Variants in HTR3E observed in about 807,000 individuals in gnomAD.
The protein encoded by HTR3E is 5-hydroxytryptamine receptor 3E.
In HTR3E, 38 loss-of-function variants were observed where a neutral mutation model predicts 38.0. The observed-to-expected ratio is 1.00, with a 90% CI of 0.77 to 1.31. HTR3E has a LOEUF of 1.31. Among genes scored for constraint, HTR3E ranks in the 50% most tolerant of loss-of-function variants. The probability of loss-of-function intolerance (pLI) is 0.00; values close to 1 mark genes in which losing one functional copy is unlikely to be tolerated. For missense variants in HTR3E, 547 were observed against 585.2 expected, an observed-to-expected ratio of 0.93 and a Z score of 0.67; for synonymous variants, 210 against 232.9, an observed-to-expected ratio of 0.90 and a Z score of 0.89.
At chr3:184,099,037 C>T (rs1350601665) in intron 1 of HTR3E, among the ~76,000 whole-genome samples, 1 of 148,782 alleles carries the variant, frequency 6.7e-6, no homozygotes, top group African/African-American at 2.5e-5. Context: ...AGTGAGACTC[C>T]CTCTAAAAAA....
intron 3 of HTR3E, among the ~76,000 whole-genome samples, chr3:184,102,629 T>TAAA (rs992607621): frequency 8.3e-6 from 1 of 121,086 alleles, no homozygotes. Context: ...TTAAAGTATA[T>TAAA]AAAAAAAAAA....
chr3:184,100,824 A>G (rs112429838), intron 2 of HTR3E, among the ~76,000 whole-genome samples, 173 bp downstream of exon 2: 1,677 of 152,324 alleles, frequency 0.011, 30 homozygotes, highest in African/African-American at 0.037. Flanking sequence ...AGGGTGAGGT[A>G]TAACAGCACA....
chr3:184,097,294 C>A lies in HTR3E; in HGVS notation c.-236C>A, dbSNP rs572967153. 25 of 486,564 alleles carry A rather than the reference C, an allele frequency of 5.1e-5. No homozygotes were observed. The South Asian group carries it at 6.3e-4, about 12-fold the overall frequency. The allele number at this position is 486,564 out of a possible 1,614,324, so 30.1% of individuals were successfully genotyped here. Reference sequence around the variant, plus strand: ...TTGATCACGTATGAACTATCTATAACCATTTACGTTGCAGTGAAATACCTA... The same window carrying A: ...TTGATCACGTATGAACTATCTATAAACATTTACGTTGCAGTGAAATACCTA... On this transcript the variant is annotated 5_prime_UTR_variant, in exon 1 of 9. Transcript: ENST00000415389.
rs376996862 is a variant in HTR3E, at chr3:184,106,501, G to C, written c.1179G>C (p.Pro393=). The C allele has an allele frequency of 2.5e-6, 4 of 1,609,098 alleles. No homozygotes were observed. The highest frequency in any genetic ancestry group is 3.4e-5 in the Admixed American group (2 of 59,690). Residue 393 remains proline, a synonymous_variant, in exon 9 of 9, where the codon CCG becomes CCC. Transcript: ENST00000415389. This position sits in a 1 kb window ranked among gnomAD's most constrained non-coding sequence, Gnocchi z 4.1. ...KEPEVSAGQM[P]GPAEAELTGG... The stretch of plus-strand genomic sequence containing the variant: ...CAGAGGTATCAGCAGGGCAGATGCC[G>C]GGCCCTGCGGAGGCAGAGCTGACAG...
rs542957561 is a variant in HTR3E at position 184,100,257 on chromosome 3, G to A, written c.68-228G>A. ...CCTCTTATTGCACCTTAGTTAGCTC[G>A]TTTATTACATGAGGGTAAAGCAGTA... On this transcript the variant is annotated intron_variant, in intron 1 of 8. Coordinates refer to ENST00000415389, the MANE Select transcript of HTR3E (RefSeq NM_001256613.2). 5.9e-6 allele frequency: 8 copies of A among 1,355,162 alleles called. No homozygotes were observed. In the African/African-American group the frequency reaches 7.3e-5, roughly 12 times the overall value. 83.9% of individuals were successfully genotyped at this position (1,355,162 alleles called of 1,614,324 possible).
At chr3:184,099,748 AT>A (rs1711899529) in intron 1 of HTR3E, among the ~76,000 whole-genome samples, 2 of 151,080 alleles carry the variant, frequency 1.3e-5, no homozygotes, top group African/African-American at 4.9e-5. Flanking sequence ...AAAGAAAGAA[AT>A]ATGCACAATT....
intron 1 of HTR3E, among the ~76,000 whole-genome samples, chr3:184,099,406 C>T (rs1205223607): frequency 1.3e-5 from 2 of 151,872 alleles, no homozygotes; most frequent in Admixed American, 6.6e-5. Context: ...CCCCCAAAAA[C>T]CCCAAACTAA....
chr3:184,103,724 G>C (rs1290286697), intron 3 of HTR3E, among the ~76,000 whole-genome samples: 6 of 151,166 alleles, frequency 4.0e-5, no homozygotes, highest in Non-Finnish European at 7.4e-5. Flanking sequence ...TTGAACCCGA[G>C]AGGTGGAGGT....
chr3:184,105,577 G>T, intron 6 of HTR3E, 150 bp downstream of exon 6: 1 of 1,056,530 alleles, frequency 9.5e-7, no homozygotes, highest in Non-Finnish European at 1.4e-6. Flanking sequence ...CTAAAGCTCA[G>T]GGCTCTGGCC....
intron 3 of HTR3E, among the ~76,000 whole-genome samples, 179 bp from the exon 4 acceptor site, chr3:184,104,003 G>GA (rs926947619): frequency 7.3e-5 from 11 of 151,102 alleles, no homozygotes; most frequent in South Asian, 6.2e-4. Context: ...CTCATTTCTT[G>GA]AAAAAAAAGC....
intron 1 of HTR3E, among the ~76,000 whole-genome samples, chr3:184,099,739 A>AAAAAAC (rs767836103): frequency 0.12 from 13,030 of 112,274 alleles, 2,001 homozygotes; most frequent in Non-Finnish European, 0.16. Context: ...AAAAAAAAAA[A>AAAAAAC]AGAAAGAAAT....
intron 3 of HTR3E, 87 bp from the exon 4 acceptor site, chr3:184,104,095 C>T: frequency 2.4e-6 from 2 of 826,690 alleles, no homozygotes; most frequent in East Asian, 3.1e-5. Context: ...ATATATTTTT[C>T]TATATGCTTG....
Position 184,106,402 on chromosome 3 carries a change from C to T in HTR3E, c.1141+59C>T. ...CACTTCTCTGCTCCTGCCTCCTTCC[C>T]TGTCTCCCTCCCTCCACAGGTGACA... is the stretch of plus-strand genomic sequence containing the variant. On this transcript the variant is annotated intron_variant, in intron 8 of 8. Transcript: ENST00000415389. The surrounding 1 kb of genome is among the most constrained non-coding windows in gnomAD (Gnocchi z 4.1). 7 of 1,561,300 alleles carry T rather than the reference C, an allele frequency of 4.5e-6. No homozygotes were observed. Among genetic ancestry groups the T allele is most frequent in the Non-Finnish European group, 6.1e-6 (7 of 1,152,664 alleles).
chr3:184,105,574 T>G, intron 6 of HTR3E, 147 bp downstream of exon 6: 1 of 1,071,494 alleles, frequency 9.3e-7, no homozygotes, highest in Non-Finnish European at 1.3e-6. Context: ...ATCCTAAAGC[T>G]CAGGGCTCTG....
At chr3:184,101,557 A>G (rs771408725) in intron 3 of HTR3E, 28 bp downstream of exon 3, 7 of 1,551,384 alleles carry the variant, frequency 4.5e-6, no homozygotes, top group Non-Finnish European at 6.2e-6. Flanking sequence ...TTCTCTCCCT[A>G]CAGTTACAGT....
intron 2 of HTR3E, 42 bp from the exon 3 acceptor site, chr3:184,101,443 T>C (rs1300559127): frequency 6.3e-7 from 1 of 1,577,032 alleles, no homozygotes; most frequent in East Asian, 2.3e-5. Context: ...GGAACAGACT[T>C]CTTACTGGCA....
At chr3:184,101,863 G>C (rs900189483) in intron 3 of HTR3E, among the ~76,000 whole-genome samples, 1 of 152,154 alleles carries the variant, frequency 6.6e-6, no homozygotes, top group Admixed American at 6.5e-5. Context: ...GGTGGCGGGC[G>C]CCTGTAATCC....
intron 1 of HTR3E, among the ~76,000 whole-genome samples, chr3:184,099,383 C>G (rs544273894): frequency 5.9e-5 from 9 of 152,042 alleles, no homozygotes; most frequent in Non-Finnish European, 1.3e-4. Context: ...GAGTGAGTCG[C>G]TGTCTCAAAA....
intron 2 of HTR3E, among the ~76,000 whole-genome samples, chr3:184,100,969 A>G (rs112533204): frequency 0.018 from 2,728 of 152,142 alleles, 68 homozygotes; most frequent in African/African-American, 0.047. Flanking sequence ...TTTGAGATGG[A>G]GTCTCACTCT....
Sources: gnomAD v4.1 joint callset for allele counts (sites outside exome capture counted in the v4.1 genomes callset) on GRCh38, gnomAD v4.1.1 for gene constraint, Gnocchi (gnomAD v3.1) non-coding constraint, MANE v1.5 for transcripts, NCBI Gene and HGNC (gene_info 2026-07-23, HGNC 2026-07-21) for gene names.